Variants in IFT81 observed in about 807,000 individuals in gnomAD.
IFT81 encodes intraflagellar transport protein 81 homolog.
A neutral mutation model predicts 102.6 loss-of-function variants in IFT81; 72 were observed. That is an observed-to-expected ratio of 0.70 (90% CI 0.58 to 0.85). The LOEUF is 0.85. Among genes scored for constraint, IFT81 ranks in the 40% least tolerant of loss-of-function variants. The probability of loss-of-function intolerance (pLI) is 0.00; values close to 1 mark genes in which losing one functional copy is unlikely to be tolerated. For missense variants in IFT81, 723 were observed against 787.3 expected, an observed-to-expected ratio of 0.92 and a Z score of 0.98; for synonymous variants, 237 against 242.7, an observed-to-expected ratio of 0.98 and a Z score of 0.22.
intron 11 of IFT81, among the ~76,000 whole-genome samples, chr12:110,175,014 T>G (rs981817318): frequency 6.6e-6 from 1 of 152,266 alleles, no homozygotes; most frequent in Non-Finnish European, 1.5e-5. Flanking sequence ...GCATCTAAAA[T>G]GATAGCTGCT....
At chr12:110,154,394 G>A (rs1389811151) in intron 10 of IFT81, among the ~76,000 whole-genome samples, 1 of 150,956 alleles carries the variant, frequency 6.6e-6, no homozygotes, top group Non-Finnish European at 1.5e-5. Context: ...ACTTTGGGAG[G>A]CTGAGGCAGG....
chr12:110,131,998 G>C (rs531730861), intron 4 of IFT81, among the ~76,000 whole-genome samples: 2 of 152,266 alleles, frequency 1.3e-5, no homozygotes, highest in South Asian at 4.1e-4. Context: ...CTAGTGTAGA[G>C]TGTGAAGCAG....
At chr12:110,192,359 A>G (rs1897836660) in intron 13 of IFT81, among the ~76,000 whole-genome samples, 1 of 152,154 alleles carries the variant, frequency 6.6e-6, no homozygotes, top group African/African-American at 2.4e-5. Flanking sequence ...TAATATATTT[A>G]TTCAATGTTA....
intron 10 of IFT81, among the ~76,000 whole-genome samples, chr12:110,148,839 T>A (rs1376989291): frequency 1.3e-5 from 2 of 152,224 alleles, no homozygotes; most frequent in East Asian, 3.8e-4. Flanking sequence ...ATAGTTCATA[T>A]AGGATAGGCA....
At chr12:110,146,842 CT>C in intron 9 of IFT81, 110 bp from the exon 10 acceptor site, 1 of 1,299,358 alleles carries the variant, frequency 7.7e-7, no homozygotes, top group Non-Finnish European at 1.0e-6. Flanking sequence ...GAGACCTTGT[CT>C]TTAAAAAAAA....
intron 12 of IFT81, among the ~76,000 whole-genome samples, chr12:110,189,192 A>C (rs1897682991): frequency 6.6e-6 from 1 of 152,040 alleles, no homozygotes; most frequent in Non-Finnish European, 1.5e-5. Flanking sequence ...CCCTAGGCTT[A>C]GCCCTTGGAT....
chr12:110,125,060 A>G (rs1309210684), intron 1 of IFT81, among the ~76,000 whole-genome samples, 199 bp downstream of exon 1: 1 of 152,194 alleles, frequency 6.6e-6, no homozygotes, highest in Non-Finnish European at 1.5e-5. Context: ...CCTTCCTGGA[A>G]ACGTTGTACT....
chr12:110,129,610 C>T (rs1324106136), intron 4 of IFT81, among the ~76,000 whole-genome samples: 1 of 152,086 alleles, frequency 6.6e-6, no homozygotes, highest in Non-Finnish European at 1.5e-5. Context: ...TCTCAAAGCA[C>T]TTCCCAATCA....
chr12:110,128,861 T>C (rs1894001941), intron 3 of IFT81, 89 bp from the exon 4 acceptor site: 1 of 934,114 alleles, frequency 1.1e-6, no homozygotes, highest in African/African-American at 1.7e-5. Context: ...AATTTGGACA[T>C]TGTAAATCAG....
chr12:110,187,208 G>C (rs940433335), intron 12 of IFT81, among the ~76,000 whole-genome samples: 35 of 151,866 alleles, frequency 2.3e-4, no homozygotes, highest in African/African-American at 8.2e-4. Flanking sequence ...ATTAATCTCA[G>C]CTATTTTAAA....
chr12:110,132,471 AAAAAG>A, intron 4 of IFT81, 71 bp from the exon 5 acceptor site: 7 of 671,914 alleles, frequency 1.0e-5, no homozygotes, highest in East Asian at 9.8e-5. Context: ...AAAAAAAAAA[AAAAAG>A]AAAGAAAGAA....
At chr12:110,214,686 A>C (rs1869862651) in intron 18 of IFT81, among the ~76,000 whole-genome samples, 1 of 152,204 alleles carries the variant, frequency 6.6e-6, no homozygotes, top group Non-Finnish European at 1.5e-5. Context: ...TCAAACACAC[A>C]TGGTTATGAA....
intron 12 of IFT81, among the ~76,000 whole-genome samples, chr12:110,188,700 G>A (rs1897660785): frequency 6.6e-6 from 1 of 151,596 alleles, no homozygotes; most frequent in Non-Finnish European, 1.5e-5. Flanking sequence ...CAAGGTGGGT[G>A]GATCATGAGG....
chr12:110,182,562 G>A (rs1897349635), intron 12 of IFT81, among the ~76,000 whole-genome samples: 1 of 152,142 alleles, frequency 6.6e-6, no homozygotes, highest in Non-Finnish European at 1.5e-5. Context: ...ACTGGGCATG[G>A]GAGTACCAAG....
intron 10 of IFT81, chr12:110,162,331 C>CTTTTTT (rs1160267123): frequency 4.0e-4 from 40 of 100,040 alleles, no homozygotes; most frequent in East Asian, 7.9e-4. Flanking sequence ...TAATATTTTT[C>CTTTTTT]TTTTTTTTTT....
chr12:110,149,406 C>G (rs1211120172), intron 10 of IFT81, among the ~76,000 whole-genome samples: 2 of 152,058 alleles, frequency 1.3e-5, no homozygotes, highest in East Asian at 3.9e-4. Flanking sequence ...CAGCGGAAGC[C>G]CCAGTGGGCA....
chr12:110,190,312 A>G (rs1256823676), intron 12 of IFT81, among the ~76,000 whole-genome samples: 2 of 152,084 alleles, frequency 1.3e-5, no homozygotes, highest in Admixed American at 6.6e-5. Flanking sequence ...GAACTGGTCA[A>G]GTTTGCTCCC....
chr12:110,131,385 C>T (rs983562664), intron 4 of IFT81, among the ~76,000 whole-genome samples: 2 of 151,814 alleles, frequency 1.3e-5, no homozygotes, highest in Non-Finnish European at 2.9e-5. Context: ...CTCGCTTTGT[C>T]ACCCAGGCTG....
At chr12:110,165,824 A>G (rs1896407992) in intron 11 of IFT81, among the ~76,000 whole-genome samples, 1 of 152,138 alleles carries the variant, frequency 6.6e-6, no homozygotes, top group African/African-American at 2.4e-5. Context: ...ATTGCTCTTT[A>G]TTATCTCTAG....
Sources: allele counts gnomAD v4.1 joint callset (sites outside exome capture counted in the v4.1 genomes callset), GRCh38; gene constraint gnomAD v4.1.1; transcripts MANE v1.5; gene names NCBI Gene and HGNC (gene_info 2026-07-23, HGNC 2026-07-21).